The following MMP26 variants were observed in gnomAD, a reference collection of about 807,000 sequenced individuals.
MMP26 encodes the protein matrix metallopeptidase 26.
A neutral mutation model predicts 31.0 loss-of-function variants in MMP26; 33 were observed. The ratio of observed to expected loss-of-function variants is 1.06; its 90% confidence interval spans 0.81 to 1.42. The LOEUF is 1.42. Ranked by LOEUF, MMP26 falls within the 40% of genes most tolerant of loss-of-function variation. The pLI, the probability that MMP26 is intolerant of heterozygous loss-of-function variation, is 0.00. For missense variants in MMP26, 347 were observed against 316.1 expected, an observed-to-expected ratio of 1.10 and a Z score of -0.74; for synonymous variants, 122 against 114.9, an observed-to-expected ratio of 1.06 and a Z score of -0.40.
chr11:4,930,972 G>A (rs1851338456), intron 2 of MMP26, among the ~76,000 whole-genome samples: 2 of 151,758 alleles, frequency 1.3e-5, no homozygotes, highest in Non-Finnish European at 2.9e-5. Context: ...AAGAGTCTAA[G>A]TATAGATACA....
intron 2 of MMP26, among the ~76,000 whole-genome samples, chr11:4,894,629 T>C (rs958919407): frequency 6.6e-5 from 10 of 152,078 alleles, no homozygotes. Flanking sequence ...AAAATGTCCA[T>C]AATGATTGTA....
intron 2 of MMP26, among the ~76,000 whole-genome samples, chr11:4,940,998 C>A (rs1311422482): frequency 6.6e-6 from 1 of 152,126 alleles, no homozygotes; most frequent in African/African-American, 2.4e-5. Flanking sequence ...AGTATCTGTT[C>A]AAAGCTTTTG....
chr11:4,968,490 AAG>A lies in MMP26; in HGVS notation c.-144-19575_-144-19574del, dbSNP rs895646657. Among the ~76,000 whole-genome samples the A allele has an allele frequency of 1.5e-4, 22 of 150,978 alleles. 1 individual carries two copies. The highest frequency in any genetic ancestry group is 3.2e-4 in the African/African-American group (13 of 41,030). The stretch of plus-strand genomic sequence containing the variant: ...GGCAACATTTTCAAAAATAAAAAAA[AAG>A]AGTTATTTTAAAAGTGTGAAGACTT... On this transcript the variant is annotated intron_variant, in intron 2 of 7. Transcript: ENST00000380390.
At chr11:4,833,818 T>C (rs1418987557) in intron 2 of MMP26, among the ~76,000 whole-genome samples, 2 of 152,192 alleles carry the variant, frequency 1.3e-5, no homozygotes, top group Non-Finnish European at 2.9e-5. Context: ...TGACAGTGTT[T>C]ATAGTAAAGA....
At chr11:4,800,620 G>A (rs757119081) in intron 2 of MMP26, among the ~76,000 whole-genome samples, 1 of 152,186 alleles carries the variant, frequency 6.6e-6, no homozygotes, top group East Asian at 1.9e-4. Context: ...TCTCTAGCAA[G>A]TGATTTCTCC....
chr11:4,984,178 C>T (rs11821225), intron 2 of MMP26, among the ~76,000 whole-genome samples: 8,196 of 152,138 alleles, frequency 0.054, 746 homozygotes, highest in African/African-American at 0.19. Context: ...GCAGTCTCAT[C>T]AAAAGTGGCA....
intron 2 of MMP26, among the ~76,000 whole-genome samples, chr11:4,957,221 CT>C (rs764191660): frequency 9.9e-5 from 15 of 152,274 alleles, no homozygotes; most frequent in Non-Finnish European, 1.9e-4. Context: ...TAAACAATGC[CT>C]GCCTGCTGTT....
chr11:4,884,328 T>C (rs918671691), intron 2 of MMP26, among the ~76,000 whole-genome samples: 3 of 152,138 alleles, frequency 2.0e-5, no homozygotes, highest in African/African-American at 7.2e-5. Context: ...TTCTTTGCCT[T>C]GTGCACTCAG....
intron 3 of MMP26, among the ~76,000 whole-genome samples, chr11:4,989,029 A>G (rs115686452): frequency 0.012 from 1,901 of 152,330 alleles, 51 homozygotes; most frequent in African/African-American, 0.043. Context: ...AGACATGAGC[A>G]TTGCCCTTAA....
chr11:4,731,794 C>T (rs76598412), intron 1 of MMP26, among the ~76,000 whole-genome samples: 3,124 of 152,202 alleles, frequency 0.021, 110 homozygotes, highest in African/African-American at 0.073. Flanking sequence ...AGGGATTCTT[C>T]GCTGTATTTA....
chr11:4,849,393 T>C (rs1320262003), intron 2 of MMP26, among the ~76,000 whole-genome samples: 3 of 152,174 alleles, frequency 2.0e-5, no homozygotes, highest in Non-Finnish European at 4.4e-5. Flanking sequence ...CCTAATAGTA[T>C]ATGCAGCATT....
At chr11:4,847,642 A>AT (rs1849891853) in intron 2 of MMP26, 1 of 152,368 alleles carries the variant, frequency 6.6e-6, no homozygotes, top group African/African-American at 2.4e-5. Flanking sequence ...ATATACTAAC[A>AT]TTTTGAAAAC....
At chr11:4,895,478 T>C (rs1438442153) in intron 2 of MMP26, among the ~76,000 whole-genome samples, 1 of 152,228 alleles carries the variant, frequency 6.6e-6, no homozygotes, top group African/African-American at 2.4e-5. Flanking sequence ...TGTTCTGCTG[T>C]CAGAGTTATC....
intron 1 of MMP26, among the ~76,000 whole-genome samples, chr11:4,749,491 C>A (rs1407112534): frequency 6.6e-6 from 1 of 151,764 alleles, no homozygotes; most frequent in Non-Finnish European, 1.5e-5. Flanking sequence ...GCAAAAAGAA[C>A]AAAGTTGTAG....
At chr11:4,907,095 T>TAAAAAAAAAAA (rs3065178) in intron 2 of MMP26, among the ~76,000 whole-genome samples, 1,892 of 54,950 alleles carry the variant, frequency 0.034, 221 homozygotes, top group Non-Finnish European at 0.053. Flanking sequence ...AAACTCCCTC[T>TAAAAAAAAAAA]AAAAAAAAAA....
At chr11:4,888,113 T>G (rs1850568546) in intron 2 of MMP26, among the ~76,000 whole-genome samples, 1 of 152,150 alleles carries the variant, frequency 6.6e-6, no homozygotes, top group Non-Finnish European at 1.5e-5. Flanking sequence ...CAGTAATTAC[T>G]TGTGAGCTCA....
intron 2 of MMP26, among the ~76,000 whole-genome samples, chr11:4,966,289 GA>G (rs1358421991): frequency 6.6e-6 from 1 of 152,116 alleles, no homozygotes; most frequent in East Asian, 1.9e-4. Context: ...TTGGTGGGTA[GA>G]AAATTGCTAA....
At chr11:4,791,825 C>T (rs1325472787) in intron 2 of MMP26, among the ~76,000 whole-genome samples, 1 of 151,952 alleles carries the variant, frequency 6.6e-6, no homozygotes, top group East Asian at 1.9e-4. Context: ...TCTCAGATTC[C>T]TGCTTCCCAG....
Position 4,992,361 on chromosome 11 carries a change from C to A in MMP26, c.*119C>A. 1.1e-6 allele frequency: 1 copy of A among 945,174 alleles called. No homozygotes were observed. Among genetic ancestry groups the A allele is most frequent in the South Asian group, 1.6e-5 (1 of 62,004 alleles). The allele number at this position is 945,174 out of a possible 1,614,324, so 58.5% of individuals were successfully genotyped here. A position where few individuals can be genotyped will look rare whatever the true frequency, so the allele number is the denominator to read the frequency against. On this transcript the variant is annotated 3_prime_UTR_variant, in exon 8 of 8. Coordinates refer to ENST00000380390, the MANE Select transcript of MMP26 (RefSeq NM_021801.5). ...AGGATGAAGCCCTAAAGAATGCAACCTAGTCAGGTTAGCTGAACCGACACT... is the reference window on the plus strand; with the variant it reads ...AGGATGAAGCCCTAAAGAATGCAACATAGTCAGGTTAGCTGAACCGACACT...
Sources: allele counts gnomAD v4.1 joint callset (sites outside exome capture counted in the v4.1 genomes callset), GRCh38; gene constraint gnomAD v4.1.1; transcripts MANE v1.5; gene names NCBI Gene and HGNC (gene_info 2026-07-23, HGNC 2026-07-21).